PIK3C2G: variants seen among roughly 807,000 people sequenced by gnomAD.
PIK3C2G encodes phosphatidylinositol 3-kinase C2 domain-containing subunit gamma.
A neutral mutation model predicts 181.1 loss-of-function variants in PIK3C2G; 168 were observed. The ratio of observed to expected loss-of-function variants is 0.93; its 90% CI spans 0.82 to 1.05. The LOEUF (loss-of-function observed/expected upper bound fraction) is 1.05. PIK3C2G is among the 50% of genes least tolerant of loss of function. The pLI is 0.00. For missense variants in PIK3C2G, 1,869 were observed against 1,732.8 expected (o/e 1.08, Z -1.40); for synonymous variants, 573 against 592.2 (o/e 0.97, Z 0.47).
At position 18,517,674 on chromosome 12, in the gene PIK3C2G, GCAAA is replaced by G. The variant is rs1194431054; in HGVS notation, c.3323+12216_3323+12219del. Among the ~76,000 whole-genome samples, 6 of 152,126 alleles carry G rather than the reference GCAAA, an allele frequency of 3.9e-5. No homozygotes were observed. The South Asian group carries it at 6.2e-4, about 16-fold the overall frequency. On this transcript the variant is annotated intron_variant, in intron 24 of 32. Transcript: ENST00000538779. Reference sequence around the variant, plus strand: ...TTCTAAATATAGAATCATGTTGCCTGCAAACAGAGACAATTTGACTTCCTCTCTT... The same window carrying G: ...TTCTAAATATAGAATCATGTTGCCTGCAGAGACAATTTGACTTCCTCTCTT...
At chr12:18,635,686 T>C (rs1331272271) in intron 31 of PIK3C2G, among the ~76,000 whole-genome samples, 1 of 152,164 alleles carries the variant, frequency 6.6e-6, no homozygotes, top group African/African-American at 2.4e-5. Context: ...TAAGCACCAT[T>C]AGATCTACTG....
intron 26 of PIK3C2G, among the ~76,000 whole-genome samples, chr12:18,552,204 T>G (rs2136294162): frequency 6.6e-6 from 1 of 152,188 alleles, no homozygotes; most frequent in Admixed American, 6.5e-5. Flanking sequence ...CACTGAGGGT[T>G]TGCAGACTCA....
At chr12:18,670,296 A>G in the PIK3C2G span, among the ~76,000 whole-genome samples, 21 of 149,252 alleles carry the variant, frequency 1.4e-4, no homozygotes, top group African/African-American at 3.3e-4. Context: ...ACATATGCGC[A>G]CACACACACA....
chr12:18,647,846 T>G (rs947556688), intron 32 of PIK3C2G, 30 bp from the exon 33 acceptor site: 12 of 1,384,814 alleles, frequency 8.7e-6, no homozygotes, highest in Non-Finnish European at 1.1e-5. Context: ...CATTTCTGAT[T>G]TATATTTTCA....
intron 1 of PIK3C2G, 87 bp from the exon 2 acceptor site, chr12:18,281,917 T>C (rs1169053653): frequency 1.2e-5 from 7 of 566,020 alleles, no homozygotes; most frequent in African/African-American, 1.9e-5. Context: ...ACAAAACAGT[T>C]AGTTATAGTT....
the PIK3C2G span, among the ~76,000 whole-genome samples, chr12:18,708,870 T>G: frequency 6.6e-6 from 1 of 152,156 alleles, no homozygotes; most frequent in South Asian, 2.1e-4. Context: ...TTTTTTCCAC[T>G]AATGAGTTGT....
intron 8 of PIK3C2G, among the ~76,000 whole-genome samples, chr12:18,334,959 A>G (rs1272322852): frequency 6.6e-6 from 1 of 152,108 alleles, no homozygotes; most frequent in Admixed American, 6.6e-5. Context: ...TGGGTCCAAA[A>G]AGTCACAATA....
At chr12:18,334,161 G>A (rs924601823) in intron 8 of PIK3C2G, among the ~76,000 whole-genome samples, 2 of 152,020 alleles carry the variant, frequency 1.3e-5, no homozygotes, top group African/African-American at 4.8e-5. Flanking sequence ...GAATTTAGAA[G>A]CAGTTTAGTC....
intron 30 of PIK3C2G, among the ~76,000 whole-genome samples, chr12:18,599,053 C>A (rs1947546463): frequency 1.3e-5 from 2 of 151,698 alleles, no homozygotes; most frequent in African/African-American, 2.4e-5. Context: ...GTTGGTGGGA[C>A]TGTAAACTAG....
At position 18,603,700 on chromosome 12, in the gene PIK3C2G, C is replaced by T. The variant is rs370307211; in HGVS notation, c.4088-5835C>T. Reference sequence around the variant, plus strand: ...AGCAAAAACCCTACAAGCTAGAAAGCATTTGGGCCCTATATTCAGCCTCCT... The same window carrying T: ...AGCAAAAACCCTACAAGCTAGAAAGTATTTGGGCCCTATATTCAGCCTCCT... On this transcript the variant is annotated intron_variant, in intron 30 of 32. Coordinates refer to ENST00000538779, the MANE Select transcript of PIK3C2G (RefSeq NM_001288772.2). 2.6e-5 allele frequency among the ~76,000 whole-genome samples: 4 copies of T among 152,114 alleles called. 1 individual carries two copies. The East Asian group carries it at 5.8e-4, about 22-fold the overall frequency.
chr12:18,552,973 T>C (rs1485483619), intron 26 of PIK3C2G, among the ~76,000 whole-genome samples: 2 of 152,132 alleles, frequency 1.3e-5, no homozygotes, highest in East Asian at 1.9e-4. Flanking sequence ...AAAAGTTTAA[T>C]GTACCCACCA....
chr12:18,495,705 A>C (rs1212302905), intron 20 of PIK3C2G, among the ~76,000 whole-genome samples: 2 of 152,140 alleles, frequency 1.3e-5, no homozygotes, highest in African/African-American at 4.8e-5. Flanking sequence ...TTTTAAAATA[A>C]AATTTTAACT....
At chr12:18,555,488 C>G (rs1007722922) in intron 26 of PIK3C2G, among the ~76,000 whole-genome samples, 1 of 152,088 alleles carries the variant, frequency 6.6e-6, no homozygotes, top group Admixed American at 6.6e-5. Flanking sequence ...GCTAAGAAAC[C>G]TGTTAGAAGC....
At chr12:18,274,642 A>C (rs7980727) in intron 1 of PIK3C2G, among the ~76,000 whole-genome samples, 47 of 151,548 alleles carry the variant, frequency 3.1e-4, no homozygotes, top group Middle Eastern at 3.4e-3. Context: ...ATCACACCCC[A>C]GGGACTGTTG....
chr12:18,257,884 AAAG>A (rs1414080327), upstream of PIK3C2G, among the ~76,000 whole-genome samples: 1 of 152,082 alleles, frequency 6.6e-6, no homozygotes, highest in Non-Finnish European at 1.5e-5. Context: ...GAAAGAAAGA[AAAG>A]AAACAGAAAG....
At chr12:18,644,838 T>C (rs1950033599) in intron 32 of PIK3C2G, among the ~76,000 whole-genome samples, 1 of 152,172 alleles carries the variant, frequency 6.6e-6, no homozygotes, top group East Asian at 1.9e-4. Context: ...TTCATTATCC[T>C]GCCTCCTCTA....
chr12:18,492,319 C>G (rs1399110214), intron 20 of PIK3C2G, among the ~76,000 whole-genome samples: 1 of 152,022 alleles, frequency 6.6e-6, no homozygotes, highest in African/African-American at 2.4e-5. Context: ...ATAAGACAGT[C>G]AAGAAAACAA....
intron 16 of PIK3C2G, among the ~76,000 whole-genome samples, chr12:18,409,218 T>C (rs1592184817): frequency 6.6e-6 from 1 of 152,150 alleles, no homozygotes; most frequent in East Asian, 1.9e-4. Flanking sequence ...TATGCAGCCA[T>C]AAAAAAGGAT....
intron 18 of PIK3C2G, among the ~76,000 whole-genome samples, chr12:18,447,440 C>A (rs565424643): frequency 1.3e-5 from 2 of 152,286 alleles, no homozygotes; most frequent in African/African-American, 4.8e-5. Context: ...ATAAAAGTTT[C>A]AAATTTGCAG....
Sources: gnomAD v4.1 joint callset for allele counts (sites outside exome capture counted in the v4.1 genomes callset) on GRCh38, gnomAD v4.1.1 for gene constraint, MANE v1.5 for transcripts, NCBI Gene and HGNC (gene_info 2026-07-23, HGNC 2026-07-21) for gene names.